Variants in XKR6 observed in about 807,000 individuals in gnomAD.
XKR6 encodes XK related 6.
XKR6 carries 22 observed loss-of-function variants against 56.7 expected under a neutral mutation model. The observed-to-expected ratio is 0.39, with a 90% CI of 0.28 to 0.55. The LOEUF (loss-of-function observed/expected upper bound fraction) is 0.55. Among genes scored for constraint, XKR6 ranks in the 20% least tolerant of loss-of-function variants. The probability of loss-of-function intolerance (pLI) is 0.66; values close to 1 mark genes in which losing one functional copy is unlikely to be tolerated. For missense variants in XKR6, 852 were observed against 889.0 expected, an observed-to-expected ratio of 0.96 and a Z score of 0.53; for synonymous variants, 524 against 387.8, an observed-to-expected ratio of 1.35 and a Z score of -4.13.
chr8:10,994,431 C>G (rs1234978414), intron 1 of XKR6, among the ~76,000 whole-genome samples: 1 of 152,196 alleles, frequency 6.6e-6, no homozygotes, highest in African/African-American at 2.4e-5. Flanking sequence ...TCCAGCTTCT[C>G]AAAATGCAGG....
At chr8:11,037,690 A>T (rs112201927) in intron 1 of XKR6, among the ~76,000 whole-genome samples, 60,775 of 152,006 alleles carry the variant, frequency 0.4, 16,702 homozygotes, top group African/African-American at 0.78. Context: ...AAACCCTGTC[A>T]CTACTAAAAA....
At chr8:11,129,091 C>A in intron 1 of XKR6, 1 of 388,628 alleles carries the variant, frequency 2.6e-6, no homozygotes, top group Non-Finnish European at 5.1e-6. Context: ...AATCAAGAGC[C>A]CAATCAAGAA....
chr8:10,914,080 G>C (rs2129112384), intron 2 of XKR6, among the ~76,000 whole-genome samples: 1 of 152,276 alleles, frequency 6.6e-6, no homozygotes, highest in African/African-American at 2.4e-5. Flanking sequence ...TTGGCGTTCT[G>C]ACCAACCTAA....
At chr8:11,168,728 G>A (rs986226097) in intron 1 of XKR6, among the ~76,000 whole-genome samples, 21 of 152,144 alleles carry the variant, frequency 1.4e-4, no homozygotes, top group African/African-American at 5.1e-4. Context: ...TAGGTCCTTG[G>A]CAAAACTCCT....
At chr8:10,955,322 G>T (rs1801850695) in intron 1 of XKR6, among the ~76,000 whole-genome samples, 1 of 152,186 alleles carries the variant, frequency 6.6e-6, no homozygotes, top group Non-Finnish European at 1.5e-5. Context: ...ATAGGTGTGT[G>T]CCGACATGCC....
chr8:11,061,526 C>G (rs1799834480), intron 1 of XKR6, among the ~76,000 whole-genome samples: 1 of 152,114 alleles, frequency 6.6e-6, no homozygotes, highest in South Asian at 2.1e-4. Context: ...GACTAAAAGC[C>G]ACCATCTGAC....
At chr8:11,137,404 G>C in intron 1 of XKR6, 1 of 360,126 alleles carries the variant, frequency 2.8e-6, no homozygotes, top group Non-Finnish European at 5.4e-6. Context: ...ACATATTCTA[G>C]CTAGAATAGT....
At chr8:11,196,849 G>C in intron 1 of XKR6, among the ~76,000 whole-genome samples, 1 of 152,148 alleles carries the variant, frequency 6.6e-6, no homozygotes, top group Middle Eastern at 3.2e-3. Context: ...TTGTAAAATA[G>C]TCAACATGAA....
chr8:11,064,034 A>G (rs990079867), intron 1 of XKR6, among the ~76,000 whole-genome samples: 1 of 152,082 alleles, frequency 6.6e-6, no homozygotes, highest in African/African-American at 2.4e-5. Context: ...CTTCTATATC[A>G]ACATCCATCA....
intron 1 of XKR6, among the ~76,000 whole-genome samples, chr8:11,147,539 C>A (rs2116960393): frequency 6.6e-6 from 1 of 151,810 alleles, no homozygotes; most frequent in Admixed American, 6.6e-5. Flanking sequence ...GCCTATAGTC[C>A]CAGCTACTCA....
intron 1 of XKR6, among the ~76,000 whole-genome samples, chr8:11,098,155 AC>A (rs1446308915): frequency 6.6e-6 from 1 of 151,924 alleles, no homozygotes; most frequent in Non-Finnish European, 1.5e-5. Context: ...CCCACGACCC[AC>A]TCCAGAAATA....
At chr8:11,107,607 G>C (rs1798727370) in intron 1 of XKR6, among the ~76,000 whole-genome samples, 1 of 152,188 alleles carries the variant, frequency 6.6e-6, no homozygotes, top group South Asian at 2.1e-4. Context: ...TCCTCTCTCA[G>C]CGGCACTCTC....
chr8:11,173,982 T>C (rs1802523287), intron 1 of XKR6, among the ~76,000 whole-genome samples: 1 of 152,204 alleles, frequency 6.6e-6, no homozygotes, highest in Non-Finnish European at 1.5e-5. Context: ...GGGGAGTACT[T>C]TCACAATTTA....
intron 2 of XKR6, among the ~76,000 whole-genome samples, chr8:10,918,683 C>G (rs71516600): frequency 1.5e-3 from 230 of 152,326 alleles, no homozygotes; most frequent in Non-Finnish European, 2.4e-3. Context: ...TTGTGCAGAA[C>G]CATCGGAGAA....
chr8:11,019,555 C>G lies in XKR6; in HGVS notation c.765-94725G>C, dbSNP rs114970735. Among the ~76,000 whole-genome samples the G allele has an allele frequency of 4.2e-3, 641 of 152,334 alleles. 3 individuals are homozygous for G. The highest frequency in any genetic ancestry group is 0.015 in the African/African-American group (605 of 41,576). ...ACAGGAGGCAGGACTCAGGAACAGG[C>G]TGCTAGAACGCGCAGGTGACATTCC... On this transcript the variant is annotated intron_variant, in intron 1 of 2. Coordinates refer to ENST00000416569, the MANE Select transcript of XKR6 (RefSeq NM_173683.4).
intron 1 of XKR6, among the ~76,000 whole-genome samples, chr8:11,058,378 T>C (rs1003820588): frequency 4.4e-4 from 67 of 152,364 alleles, no homozygotes; most frequent in African/African-American, 1.6e-3. Flanking sequence ...TGCACACGTA[T>C]GTTTATTGCA....
intron 1 of XKR6, among the ~76,000 whole-genome samples, chr8:11,095,069 G>A (rs1032742767): frequency 6.6e-6 from 1 of 152,168 alleles, no homozygotes; most frequent in African/African-American, 2.4e-5. Flanking sequence ...AAAGTAGGCT[G>A]ATACAAAGGC....
chr8:11,200,611 C>A lies in XKR6; in HGVS notation c.729G>T (p.Ser243=). The A allele has an allele frequency of 6.5e-7, 1 of 1,544,980 alleles. No individual in the cohort carries two copies. The highest frequency in any genetic ancestry group is 1.2e-5 in the South Asian group (1 of 80,820). The change falls in exon 1 of 3, where the codon TCG becomes TCT. Residue 243 remains serine (S), a synonymous_variant. Transcript: ENST00000416569. The surrounding 1 kb of genome is among the most constrained non-coding windows in gnomAD (Gnocchi z 6.4). ...GCCCCATCTGCAGCAGGTGGATGAC[C>A]GACTGCCAGATCCACACGGAGAGGC... ...LCRLSVWIWQ[S]VIHLLQMGQV...
At chr8:11,185,255 C>T (rs73665021) in intron 1 of XKR6, among the ~76,000 whole-genome samples, 141 of 152,264 alleles carry the variant, frequency 9.3e-4, no homozygotes, top group African/African-American at 3.2e-3. Flanking sequence ...TTGCATTAAT[C>T]TTTCTTAAAT....
Sources: allele counts gnomAD v4.1 joint callset (sites outside exome capture counted in the v4.1 genomes callset), GRCh38; gene constraint gnomAD v4.1.1; non-coding constraint Gnocchi (gnomAD v3.1); transcripts MANE v1.5; gene names NCBI Gene and HGNC (gene_info 2026-07-23, HGNC 2026-07-21).